The following AGMO variants were observed in gnomAD, a reference collection of about 807,000 sequenced individuals.
AGMO encodes glyceryl-ether monooxygenase.
A neutral mutation model predicts 60.2 loss-of-function variants in AGMO; 75 were observed. That is an observed-to-expected ratio of 1.25 (90% CI 1.03 to 1.51). The LOEUF (loss-of-function observed/expected upper bound fraction) is 1.51, where lower values mean the gene tolerates loss of function less well. Among genes scored for constraint, AGMO ranks in the 40% most tolerant of loss-of-function variants. AGMO has a pLI of 0.00. For missense variants in AGMO, 763 were observed against 525.5 expected (o/e 1.45, Z -4.42); for synonymous variants, 261 against 177.1 (o/e 1.47, Z -3.76).
intron 12 of AGMO, among the ~76,000 whole-genome samples, chr7:15,240,709 C>A (rs1782564341): frequency 6.6e-6 from 1 of 152,092 alleles, no homozygotes. Flanking sequence ...AAATTATAAT[C>A]TATAGGGCAA....
chr7:15,258,706 G>C (rs1783177076), intron 12 of AGMO, among the ~76,000 whole-genome samples: 1 of 152,170 alleles, frequency 6.6e-6, no homozygotes, highest in Non-Finnish European at 1.5e-5. Context: ...AGCAGGGGCT[G>C]GTATCCAGGA....
At chr7:15,291,662 C>T (rs1258117020) in intron 12 of AGMO, among the ~76,000 whole-genome samples, 2 of 152,036 alleles carry the variant, frequency 1.3e-5, no homozygotes, top group African/African-American at 4.8e-5. Context: ...TAGGGTTGAA[C>T]AGTGGGTACA....
chr7:15,355,157 G>A (rs1159871403), intron 12 of AGMO, among the ~76,000 whole-genome samples: 5 of 151,976 alleles, frequency 3.3e-5, no homozygotes, highest in Non-Finnish European at 7.4e-5. Context: ...TACAAGAATA[G>A]AGAAAAATCA....
At chr7:15,332,063 A>G (rs888647369) in intron 12 of AGMO, among the ~76,000 whole-genome samples, 4 of 152,166 alleles carry the variant, frequency 2.6e-5, no homozygotes, top group African/African-American at 4.8e-5. Context: ...GAGTGAAATC[A>G]TAAGATGGAA....
chr7:15,341,156 CCTT>C (rs879375482), intron 12 of AGMO, among the ~76,000 whole-genome samples: 21 of 152,064 alleles, frequency 1.4e-4, no homozygotes, highest in Non-Finnish European at 2.1e-4. Context: ...ACATTTGGCT[CCTT>C]GTTACTTATG....
At chr7:15,429,964 T>C (rs1211145005) in intron 4 of AGMO, among the ~76,000 whole-genome samples, 1 of 151,270 alleles carries the variant, frequency 6.6e-6, no homozygotes, top group Non-Finnish European at 1.5e-5. Context: ...GCATTTAGAA[T>C]GCAGAGATTA....
intron 9 of AGMO, 122 bp downstream of exon 9, chr7:15,387,284 G>T: frequency 1.8e-6 from 2 of 1,140,854 alleles, no homozygotes; most frequent in Non-Finnish European, 1.2e-6. Flanking sequence ...CCACAGGACT[G>T]CATCTGACTG....
rs1563086263 is a variant in AGMO at position 15,322,547 on chromosome 7, AAT to A, written c.1263+42965_1263+42966del. ...ATATAAATATATAAATATATATATAAATATATATAAATATATAAATATATATA... is the reference window on the plus strand; with the variant it reads ...ATATAAATATATAAATATATATATAAATATATAAATATATAAATATATATA... On this transcript the variant is annotated intron_variant, in intron 12 of 12. Transcript: ENST00000342526. 1.6e-3 allele frequency among the ~76,000 whole-genome samples: 71 copies of A among 44,826 alleles called. 2 individuals carry two copies. The highest frequency in any genetic ancestry group is 4.7e-3 in the South Asian group (6 of 1,264). 29.4% of individuals were successfully genotyped at this position (44,826 alleles called of 152,430 possible). A position where few individuals can be genotyped will look rare whatever the true frequency, so the allele number is the denominator to read the frequency against.
intron 3 of AGMO, among the ~76,000 whole-genome samples, chr7:15,433,873 G>A (rs897988846): frequency 6.6e-6 from 1 of 151,682 alleles, no homozygotes; most frequent in Non-Finnish European, 1.5e-5. Flanking sequence ...TAATATATTG[G>A]CCAACACTTC....
intron 3 of AGMO, among the ~76,000 whole-genome samples, chr7:15,487,036 T>C (rs1448019571): frequency 1.3e-5 from 2 of 152,176 alleles, no homozygotes. Context: ...TCAGATTGAG[T>C]AGATAAAGCA....
At chr7:15,185,786 G>A in the AGMO span, among the ~76,000 whole-genome samples, 369 of 152,312 alleles carry the variant, frequency 2.4e-3, 1 homozygote, top group African/African-American at 8.6e-3. Context: ...TTTTCTAACA[G>A]AATGAGGTTA....
At chr7:15,165,084 C>G in the AGMO span, among the ~76,000 whole-genome samples, 9 of 152,086 alleles carry the variant, frequency 5.9e-5, no homozygotes, top group Admixed American at 5.9e-4. Context: ...TCTTTCTCAG[C>G]TACATGGATG....
At chr7:15,452,616 CACTGAA>C (rs1309308400) in intron 3 of AGMO, among the ~76,000 whole-genome samples, 5 of 152,168 alleles carry the variant, frequency 3.3e-5, no homozygotes, top group Non-Finnish European at 5.9e-5. Flanking sequence ...GAAGTTAGAA[CACTGAA>C]ACATTGCCGG....
the AGMO span, among the ~76,000 whole-genome samples, chr7:15,151,397 C>A: frequency 1.3e-5 from 2 of 151,780 alleles, no homozygotes; most frequent in Admixed American, 1.3e-4. Context: ...TTTCTAAGTT[C>A]CCCTAGGTGT....
chr7:15,476,477 T>G (rs1029048028), intron 3 of AGMO, among the ~76,000 whole-genome samples: 3 of 152,078 alleles, frequency 2.0e-5, no homozygotes, highest in Non-Finnish European at 4.4e-5. Flanking sequence ...GGGCGGTGGT[T>G]GTTTTATTTT....
At chr7:15,295,253 A>G (rs1276223728) in intron 12 of AGMO, among the ~76,000 whole-genome samples, 1 of 152,034 alleles carries the variant, frequency 6.6e-6, no homozygotes, top group Non-Finnish European at 1.5e-5. Context: ...TTTAAGAATT[A>G]ATGGACCAAA....
At chr7:15,245,080 AG>A (rs1027143412) in intron 12 of AGMO, among the ~76,000 whole-genome samples, 5 of 152,246 alleles carry the variant, frequency 3.3e-5, no homozygotes, top group African/African-American at 1.2e-4. Flanking sequence ...ACTAAAGGTT[AG>A]CCTGTGGACT....
chr7:15,371,347 G>C (rs1257878679), intron 10 of AGMO, among the ~76,000 whole-genome samples: 1 of 30,632 alleles, frequency 3.3e-5, no homozygotes, highest in Non-Finnish European at 6.5e-5. Flanking sequence ...AGCCTCCAGA[G>C]GTAGCTGGGA....
intron 12 of AGMO, among the ~76,000 whole-genome samples, chr7:15,241,725 A>C (rs1782596871): frequency 6.6e-6 from 1 of 152,132 alleles, no homozygotes; most frequent in South Asian, 2.1e-4. Flanking sequence ...TAATGGCTTA[A>C]AAAATTCCCA....
Sources: gnomAD v4.1 joint callset for allele counts (sites outside exome capture counted in the v4.1 genomes callset) on GRCh38, gnomAD v4.1.1 for gene constraint, MANE v1.5 for transcripts, NCBI Gene and HGNC (gene_info 2026-07-23, HGNC 2026-07-21) for gene names.